EBF1: variants seen among roughly 807,000 people sequenced by gnomAD.
The protein encoded by EBF1 is transcription factor COE1.
EBF1 carries 10 observed loss-of-function variants against 68.4 expected under a neutral mutation model. That is an observed-to-expected ratio of 0.15 (90% CI 0.09 to 0.25). The LOEUF is 0.25. EBF1 is among the 10% of genes least tolerant of loss of function. The pLI is 1.00. For missense variants in EBF1, 509 were observed against 794.4 expected (o/e 0.64, Z 4.32); for synonymous variants, 298 against 299.8 (o/e 0.99, Z 0.06).
intron 6 of EBF1, among the ~76,000 whole-genome samples, chr5:159,044,519 C>A (rs1000226078): frequency 1.3e-5 from 2 of 152,184 alleles, no homozygotes; most frequent in African/African-American, 4.8e-5. Context: ...AATAAAAATT[C>A]ACTGCATTTT....
chr5:158,996,101 A>T lies in EBF1; in HGVS notation c.554+77295T>A, dbSNP rs190510534. 2.7e-3 allele frequency among the ~76,000 whole-genome samples: 413 copies of T among 152,248 alleles called. 8 individuals are homozygous for T. The highest frequency in any genetic ancestry group is 0.025 in the Admixed American group (388 of 15,292). ...CCAACTTTAATTTACTGGTGACCTC[A>T]TGGCTTTCAGGAGCATTACACAGGA... On this transcript the variant is annotated intron_variant, in intron 6 of 15. Coordinates refer to ENST00000313708, the MANE Select transcript of EBF1 (RefSeq NM_024007.5).
In EBF1 at chr5:158,992,917, C is replaced by CTTTTT. The variant is rs148629320; in HGVS notation, c.554+80474_554+80478dup. Among the ~76,000 whole-genome samples the CTTTTT allele has an allele frequency of 1.5e-3, 111 of 72,842 alleles. 3 individuals carry two copies. The Admixed American group carries it at 0.015, about 10-fold the overall frequency. 47.8% of individuals were successfully genotyped at this position (72,842 alleles called of 152,430 possible). A position where few individuals can be genotyped will look rare whatever the true frequency, so the allele number is the denominator to read the frequency against. On this transcript the variant is annotated intron_variant, in intron 6 of 15. Coordinates refer to ENST00000313708, the MANE Select transcript of EBF1 (RefSeq NM_024007.5). ...ATATTAAGAGCCCTGCTGTTTCTTT[C>CTTTTT]TTTTTTTTTTTTTTTTTTTTTTTTT...
At chr5:158,711,434 C>T (rs1759263430) in intron 14 of EBF1, among the ~76,000 whole-genome samples, 1 of 152,188 alleles carries the variant, frequency 6.6e-6, no homozygotes, top group Non-Finnish European at 1.5e-5. Flanking sequence ...ATGTGTCCGG[C>T]ATCAGGACAA....
At chr5:158,983,974 CCAGTGGAAATT>C (rs1169538206) in intron 6 of EBF1, among the ~76,000 whole-genome samples, 1 of 145,050 alleles carries the variant, frequency 6.9e-6, no homozygotes, top group Non-Finnish European at 1.5e-5. Flanking sequence ...TATGTCTCTT[CCAGTGGAAATT>C]CAATAACAAA....
rs1454752401 is a variant in EBF1 at position 158,945,414 on chromosome 5, C to T, written c.555-105304G>A. Among the ~76,000 whole-genome samples the T allele has an allele frequency of 2.0e-5, 3 of 152,156 alleles. No individual in the cohort carries two copies. In the East Asian group the frequency reaches 5.8e-4, roughly 29 times the overall value. ...TGGTGTTATTTCTGAGGCCTCTGTTCTGTTCCATTGGTCTATATATCTGTT... is the reference window on the plus strand; with the variant it reads ...TGGTGTTATTTCTGAGGCCTCTGTTTTGTTCCATTGGTCTATATATCTGTT... On this transcript the variant is annotated intron_variant, in intron 6 of 15. Transcript: ENST00000313708.
chr5:159,064,407 T>A (rs1264127790), intron 6 of EBF1, among the ~76,000 whole-genome samples: 1 of 152,234 alleles, frequency 6.6e-6, no homozygotes, highest in Non-Finnish European at 1.5e-5. Context: ...GTGGAGTTTC[T>A]AATCACTTGC....
chr5:159,062,457 AT>A (rs1355719448), intron 6 of EBF1, among the ~76,000 whole-genome samples: 1 of 128,278 alleles, frequency 7.8e-6, no homozygotes, highest in Non-Finnish European at 1.6e-5. Flanking sequence ...ACATGATGGG[AT>A]TGGGGGTGGG....
At chr5:158,705,375 G>A (rs183480001) in intron 15 of EBF1, among the ~76,000 whole-genome samples, 17 of 152,224 alleles carry the variant, frequency 1.1e-4, no homozygotes, top group African/African-American at 3.9e-4. Flanking sequence ...TCAATCAGAA[G>A]GAAAGGGCAG....
intron 6 of EBF1, among the ~76,000 whole-genome samples, chr5:158,971,235 T>G (rs1456572017): frequency 3.3e-5 from 5 of 152,168 alleles, no homozygotes; most frequent in Non-Finnish European, 5.9e-5. Context: ...AGAAAGCACG[T>G]GGATGATGAA....
chr5:158,984,123 A>G (rs550739067), intron 6 of EBF1, among the ~76,000 whole-genome samples: 4 of 152,144 alleles, frequency 2.6e-5, no homozygotes, highest in African/African-American at 9.7e-5. Context: ...CTCAAGAAAC[A>G]CTTCTTAAAG....
chr5:158,907,166 T>C (rs572802819), intron 6 of EBF1, among the ~76,000 whole-genome samples: 40 of 152,262 alleles, frequency 2.6e-4, no homozygotes, highest in African/African-American at 8.7e-4. Context: ...ACAGACATCA[T>C]CTCTGCCTTC....
intron 7 of EBF1, among the ~76,000 whole-genome samples, chr5:158,830,981 G>C (rs573242123): frequency 6.6e-6 from 1 of 152,156 alleles, no homozygotes; most frequent in South Asian, 2.1e-4. Flanking sequence ...AGATACATGT[G>C]CTAAGCTAAT....
chr5:158,926,746 A>G lies in EBF1; in HGVS notation c.555-86636T>C, dbSNP rs370795022. Among the ~76,000 whole-genome samples the G allele has an allele frequency of 2.5e-4, 38 of 152,004 alleles. No individual in the cohort carries two copies. The South Asian group carries it at 6.4e-3, about 26-fold the overall frequency. ...ACATTTCAAAAAAAAAAAAAAGAAA[A>G]GAAAAAAGAAAAAGAAAGAAAGAAC... On this transcript the variant is annotated intron_variant, in intron 6 of 15. Coordinates refer to ENST00000313708, the MANE Select transcript of EBF1 (RefSeq NM_024007.5).
intron 6 of EBF1, among the ~76,000 whole-genome samples, chr5:159,065,973 G>A (rs1007971368): frequency 6.6e-6 from 1 of 151,980 alleles, no homozygotes; most frequent in African/African-American, 2.4e-5. Flanking sequence ...GAGAGACAGA[G>A]CCCAAGTGTC....
intron 6 of EBF1, among the ~76,000 whole-genome samples, chr5:159,063,789 C>T (rs6883429): frequency 0.83 from 126,070 of 152,260 alleles, 52,298 homozygotes; most frequent in African/African-American, 0.86. Flanking sequence ...ATGGAATATA[C>T]GATGCTCAAA....
rs148101968 is a variant in EBF1, at chr5:158,831,032, C to T, written c.637-7715G>A. Among the ~76,000 whole-genome samples the T allele has an allele frequency of 1.5e-3, 224 of 152,266 alleles. 1 individual carries two copies. The highest frequency in any genetic ancestry group is 0.01 in the Middle Eastern group (3 of 294). On this transcript the variant is annotated intron_variant, in intron 7 of 15. Coordinates refer to ENST00000313708, the MANE Select transcript of EBF1 (RefSeq NM_024007.5). ...CTAGAATTAGCTTCTGTCTCCTGAA[C>T]GGTGACATATGATAAACATGAAAAG...
chr5:158,969,924 A>AAAGAAAGAAAGAAAGAAAGAAAG (rs1755259231), intron 6 of EBF1, among the ~76,000 whole-genome samples: 1 of 115,936 alleles, frequency 8.6e-6, no homozygotes. Context: ...AAGAAAAAAA[A>AAAGAAAGAAAGAAAGAAAGAAAG]AAAAAAGGCT....
chr5:158,757,780 A>G (rs1770459633), intron 10 of EBF1, among the ~76,000 whole-genome samples: 1 of 152,192 alleles, frequency 6.6e-6, no homozygotes, highest in Admixed American at 6.5e-5. Context: ...TTAGATGTCT[A>G]AAAATATGTT....
intron 8 of EBF1, among the ~76,000 whole-genome samples, chr5:158,810,376 T>G (rs1025019642): frequency 2.0e-5 from 3 of 152,240 alleles, no homozygotes; most frequent in African/African-American, 7.2e-5. Flanking sequence ...GATCTCAATT[T>G]GTACCAACTA....
Sources: allele counts gnomAD v4.1 joint callset (sites outside exome capture counted in the v4.1 genomes callset), GRCh38; gene constraint gnomAD v4.1.1; transcripts MANE v1.5; gene names NCBI Gene and HGNC (gene_info 2026-07-23, HGNC 2026-07-21).